Variants in ASIC2 observed in about 807,000 individuals in gnomAD.
ASIC2 encodes acid-sensing ion channel 2.
Under a neutral mutation model 57.3 loss-of-function variants are expected in ASIC2, and 25 were observed. That is an observed-to-expected ratio of 0.44 (90% confidence interval 0.32 to 0.61). The LOEUF (loss-of-function observed/expected upper bound fraction) is 0.61, where lower values mean the gene tolerates loss of function less well. ASIC2 is among the 20% of genes least tolerant of loss of function. The pLI is 0.06. For missense variants in ASIC2, 641 were observed against 738.1 expected (o/e 0.87, Z 1.52); for synonymous variants, 319 against 307.5 (o/e 1.04, Z -0.39).
chr17:33,177,033 C>A (rs1162673374), intron 1 of ASIC2, among the ~76,000 whole-genome samples: 1 of 152,202 alleles, frequency 6.6e-6, no homozygotes, highest in African/African-American at 2.4e-5. Flanking sequence ...CTGGGGACAA[C>A]TTGTGTCCAT....
At chr17:33,018,578 A>G (rs2091819814) in intron 7 of ASIC2, among the ~76,000 whole-genome samples, 1 of 152,204 alleles carries the variant, frequency 6.6e-6, no homozygotes. Flanking sequence ...CTGAGTCCTC[A>G]AAAGCTTAAG....
intron 1 of ASIC2, among the ~76,000 whole-genome samples, chr17:33,545,471 G>A (rs779366163): frequency 2.0e-5 from 3 of 152,052 alleles, no homozygotes; most frequent in Non-Finnish European, 2.9e-5. Context: ...TACCCGAGAC[G>A]CGGATTTCTA....
At chr17:33,350,082 C>A (rs770060869) in intron 1 of ASIC2, among the ~76,000 whole-genome samples, 1 of 152,206 alleles carries the variant, frequency 6.6e-6, no homozygotes, top group African/African-American at 2.4e-5. Flanking sequence ...CATGTCTTAT[C>A]GGTTCTTCAC....
rs1346613409 is a variant in ASIC2, at chr17:33,182,839, C to T, written c.709-70772G>A. ...ACTGCTGTTCCTAAAGAAGTAAATT[C>T]GTTCCCGCCCAAACTCGCCCAGGTT... is the stretch of plus-strand genomic sequence containing the variant. On this transcript the variant is annotated intron_variant, in intron 1 of 9. Transcript: ENST00000225823. Among the ~76,000 whole-genome samples, 6 of 152,252 alleles carry T rather than the reference C, an allele frequency of 3.9e-5. No individual in the cohort carries two copies. The East Asian group carries it at 5.8e-4, about 15-fold the overall frequency.
intron 1 of ASIC2, among the ~76,000 whole-genome samples, chr17:33,761,402 A>C (rs1483364244): frequency 6.6e-6 from 1 of 152,086 alleles, no homozygotes; most frequent in Non-Finnish European, 1.5e-5. Context: ...GGCCCTCAAC[A>C]CAGGGATGGG....
intron 1 of ASIC2, among the ~76,000 whole-genome samples, chr17:33,415,056 A>AC (rs1297750820): frequency 6.6e-6 from 1 of 152,148 alleles, no homozygotes; most frequent in South Asian, 2.1e-4. Flanking sequence ...CAGTCATACC[A>AC]CCCTGTGGGG....
At chr17:33,946,698 G>C (rs73274588) in intron 1 of ASIC2, among the ~76,000 whole-genome samples, 4,272 of 152,266 alleles carry the variant, frequency 0.028, 210 homozygotes, top group African/African-American at 0.098. Context: ...TCTAAACCCA[G>C]AGTCAAAATG....
chr17:33,465,365 T>C (rs1052344837), intron 1 of ASIC2, among the ~76,000 whole-genome samples: 22 of 133,408 alleles, frequency 1.6e-4, no homozygotes, highest in African/African-American at 6.0e-4. Context: ...GCCTTTTTTT[T>C]CTTTTTCTTT....
chr17:33,985,346 T>C (rs16969076), intron 1 of ASIC2, among the ~76,000 whole-genome samples: 32,581 of 152,100 alleles, frequency 0.21, 3,810 homozygotes, highest in African/African-American at 0.29. Flanking sequence ...ATGTATCCCA[T>C]AGAGCAGTAC....
Position 33,705,517 on chromosome 17 carries a change from A to G in ASIC2, c.555+450461T>C, listed in dbSNP as rs969899521. Among the ~76,000 whole-genome samples, 4 of 152,346 alleles carry G rather than the reference A, an allele frequency of 2.6e-5. No homozygotes were observed. In the Middle Eastern group the frequency reaches 0.01, roughly 389 times the overall value. The stretch of plus-strand genomic sequence containing the variant: ...AGGTGGGCCCTAAATGTAATCACAC[A>G]TATCATTATAAGAGGAAGGCAGACA... On this transcript the variant is annotated intron_variant, in intron 1 of 9. Coordinates refer to the ASIC2 transcript ENST00000359872.
At chr17:33,704,829 A>G (rs529386989) in intron 1 of ASIC2, among the ~76,000 whole-genome samples, 1 of 152,348 alleles carries the variant, frequency 6.6e-6, no homozygotes, top group African/African-American at 2.4e-5. Flanking sequence ...CCTGGGGTTC[A>G]GCCAATTCAA....
At chr17:33,414,481 T>G (rs1426584224) in intron 1 of ASIC2, among the ~76,000 whole-genome samples, 1 of 152,142 alleles carries the variant, frequency 6.6e-6, no homozygotes, top group Non-Finnish European at 1.5e-5. Context: ...ATTGGCTAGT[T>G]GGCTGGGCAG....
At chr17:33,213,826 G>T (rs1907371701) in intron 1 of ASIC2, among the ~76,000 whole-genome samples, 1 of 152,196 alleles carries the variant, frequency 6.6e-6, no homozygotes, top group African/African-American at 2.4e-5. Context: ...AATGAGACAG[G>T]ATAGGTAGGT....
intron 1 of ASIC2, among the ~76,000 whole-genome samples, chr17:33,156,914 G>A (rs1169222364): frequency 6.6e-6 from 1 of 152,146 alleles, no homozygotes; most frequent in Non-Finnish European, 1.5e-5. Flanking sequence ...AGTCAGGGCT[G>A]GGAACCACTG....
At chr17:33,308,888 C>A (rs1034443535) in intron 1 of ASIC2, among the ~76,000 whole-genome samples, 9 of 152,154 alleles carry the variant, frequency 5.9e-5, no homozygotes, top group African/African-American at 2.2e-4. Flanking sequence ...TGATAACTAT[C>A]GATCTCCTTT....
intron 1 of ASIC2, among the ~76,000 whole-genome samples, chr17:33,149,973 G>T (rs376711398): frequency 6.6e-6 from 1 of 152,176 alleles, no homozygotes; most frequent in Non-Finnish European, 1.5e-5. Context: ...TCATAACAAT[G>T]AATTGGGTGC....
intron 1 of ASIC2, among the ~76,000 whole-genome samples, chr17:33,658,997 T>C (rs1036804004): frequency 1.3e-5 from 2 of 152,088 alleles, no homozygotes; most frequent in African/African-American, 4.8e-5. Flanking sequence ...AGTGAGACTC[T>C]TGTCTCAAAA....
At chr17:33,545,673 T>C (rs1915554954) in intron 1 of ASIC2, among the ~76,000 whole-genome samples, 1 of 152,208 alleles carries the variant, frequency 6.6e-6, no homozygotes, top group South Asian at 2.1e-4. Flanking sequence ...CTCACTTCTC[T>C]AATTGCCTTC....
chr17:33,251,886 G>A (rs540498987), intron 1 of ASIC2, among the ~76,000 whole-genome samples: 1 of 152,320 alleles, frequency 6.6e-6, no homozygotes, highest in South Asian at 2.1e-4. Context: ...TCCTTGAATT[G>A]TACTAAGAAT....
Sources: allele counts gnomAD v4.1 joint callset (sites outside exome capture counted in the v4.1 genomes callset), GRCh38; gene constraint gnomAD v4.1.1; transcripts MANE v1.5; gene names NCBI Gene and HGNC (gene_info 2026-07-23, HGNC 2026-07-21).